Variants in NSL1 observed in about 807,000 individuals in gnomAD.
The protein encoded by NSL1 is NSL1 component of MIS12 kinetochore complex.
In NSL1, 11 loss-of-function variants were observed where a neutral mutation model predicts 25.4. The observed-to-expected ratio is 0.43, with a 90% CI of 0.27 to 0.72. The LOEUF (loss-of-function observed/expected upper bound fraction) is 0.72, where lower values mean the gene tolerates loss of function less well. Among genes scored for constraint, NSL1 ranks in the 30% least tolerant of loss-of-function variants. The pLI is 0.19. For synonymous variants in NSL1, 118 were observed against 120.6 expected (o/e 0.98, Z 0.14); for missense variants, 330 against 342.7 (o/e 0.96, Z 0.29).
intron 4 of NSL1, among the ~76,000 whole-genome samples, chr1:212,756,134 T>C (rs1659295988): frequency 2.0e-5 from 3 of 152,236 alleles, no homozygotes; most frequent in Admixed American, 2.0e-4. Flanking sequence ...TGTTGGGTTT[T>C]TTTGAGACAG....
At chr1:212,784,295 A>C in intron 3 of NSL1, 68 bp downstream of exon 3, 2 of 1,078,324 alleles carry the variant, frequency 1.9e-6, no homozygotes, top group South Asian at 1.6e-5. Flanking sequence ...CTCCACGTAG[A>C]GCCTTATATT....
At chr1:212,778,315 T>C (rs2102393800) in intron 4 of NSL1, among the ~76,000 whole-genome samples, 1 of 152,326 alleles carries the variant, frequency 6.6e-6, no homozygotes, top group East Asian at 1.9e-4. Flanking sequence ...AAGTTCATAA[T>C]GTAACTAAGT....
chr1:212,745,830 T>C (rs562905070), intron 4 of NSL1, among the ~76,000 whole-genome samples: 1 of 152,242 alleles, frequency 6.6e-6, no homozygotes, highest in East Asian at 1.9e-4. Context: ...CTGGGCTTGG[T>C]GGCACATGCC....
intron 4 of NSL1, among the ~76,000 whole-genome samples, chr1:212,744,460 CAAA>C (rs1303550190): frequency 1.3e-5 from 2 of 151,994 alleles, no homozygotes; most frequent in African/African-American, 2.4e-5. Context: ...CAGTTTTCAA[CAAA>C]AAATTATGAG....
intron 4 of NSL1, chr1:212,766,191 C>T (rs1286570433): frequency 7.8e-6 from 5 of 637,582 alleles, no homozygotes; most frequent in East Asian, 2.9e-5. Flanking sequence ...AGACTTACCT[C>T]GAAGTAATAA....
intron 4 of NSL1, among the ~76,000 whole-genome samples, chr1:212,755,888 G>A (rs530845351): frequency 3.9e-5 from 6 of 152,238 alleles, no homozygotes; most frequent in Middle Eastern, 6.8e-3. Context: ...GCAGTCGAAT[G>A]GAGGATGTCT....
chr1:212,763,926 GAACTT>G (rs1215551663), intron 4 of NSL1: 1 of 286,632 alleles, frequency 3.5e-6, no homozygotes, highest in Non-Finnish European at 7.0e-6. Context: ...TAGAACAAAT[GAACTT>G]AACAGGTGTT....
rs1345963649 is a variant in NSL1 at position 212,727,381 on chromosome 1, A to AAT, written c.*11025_*11026dup. 1 of 985,296 alleles carries AAT rather than the reference A, an allele frequency of 1.0e-6. No individual in the cohort carries two copies. Among genetic ancestry groups the AAT allele is most frequent in the East Asian group, 1.1e-4 (1 of 8,834 alleles). The allele number at this position is 985,296 out of a possible 1,614,324, so 61.0% of individuals were successfully genotyped here. On this transcript the variant is annotated 3_prime_UTR_variant, in exon 6 of 6. Transcript: ENST00000366977. ...GGCAGGAAGGTCACTTAACCAGGGA[A>AAT]ATAAGTATCAGTCAAGTTAATGTTT...
chr1:212,752,434 G>T (rs1445978878), intron 4 of NSL1, among the ~76,000 whole-genome samples: 1 of 152,066 alleles, frequency 6.6e-6, no homozygotes, highest in Non-Finnish European at 1.5e-5. Flanking sequence ...CTGCCTGTAG[G>T]GTCAGCAAAA....
intron 4 of NSL1, among the ~76,000 whole-genome samples, chr1:212,762,318 A>G (rs1659613035): frequency 6.6e-6 from 1 of 150,398 alleles, no homozygotes; most frequent in Non-Finnish European, 1.5e-5. Context: ...AAAAAAAAAA[A>G]AAAAAAAAGA....
At chr1:212,744,178 C>G (rs1658640548) in intron 4 of NSL1, among the ~76,000 whole-genome samples, 1 of 152,220 alleles carries the variant, frequency 6.6e-6, no homozygotes, top group Non-Finnish European at 1.5e-5. Flanking sequence ...TGGCTGAGAG[C>G]TGAAGGCATA....
chr1:212,774,124 T>C (rs1464409175), intron 4 of NSL1, among the ~76,000 whole-genome samples: 1 of 151,916 alleles, frequency 6.6e-6, no homozygotes, highest in Non-Finnish European at 1.5e-5. Flanking sequence ...TAAAAAAGAA[T>C]TATTTGGGTA....
At chr1:212,783,265 C>G (rs887569317) in intron 3 of NSL1, among the ~76,000 whole-genome samples, 2 of 151,818 alleles carry the variant, frequency 1.3e-5, no homozygotes, top group African/African-American at 4.8e-5. Flanking sequence ...AGCCATCTTT[C>G]TTTTCTGCAA....
intron 4 of NSL1, among the ~76,000 whole-genome samples, chr1:212,776,632 C>G (rs7511916): frequency 0.025 from 3,730 of 150,976 alleles, 131 homozygotes; most frequent in African/African-American, 0.083. Flanking sequence ...AGTTTCCAAA[C>G]TGAGAAAGAG....
At chr1:212,779,348 C>A (rs113350757) in intron 4 of NSL1, among the ~76,000 whole-genome samples, 3 of 134,518 alleles carry the variant, frequency 2.2e-5, no homozygotes, top group South Asian at 2.4e-4. Context: ...GTCAGCCCCC[C>A]TCCCGGCCAG....
At chr1:212,758,603 G>C (rs1297442065) in intron 4 of NSL1, among the ~76,000 whole-genome samples, 1 of 152,192 alleles carries the variant, frequency 6.6e-6, no homozygotes, top group African/African-American at 2.4e-5. Context: ...CACAAAAGAA[G>C]TGCTAAAAGC....
rs1012824474 is a variant in NSL1, at chr1:212,760,023, T to C, written c.500-20422A>G. On this transcript the variant is annotated intron_variant, in intron 4 of 5. Coordinates refer to ENST00000366977, the MANE Select transcript of NSL1 (RefSeq NM_015471.4). The surrounding 1 kb of genome is among the most constrained non-coding windows in gnomAD (Gnocchi z 4.3). ...CCTGATAATCACCCTGCCCTATCTG[T>C]CATGGTGGGTGTGTGAGCACATCAA... Among the ~76,000 whole-genome samples the C allele has an allele frequency of 4.0e-5, 6 of 151,618 alleles. No homozygotes were observed. The highest frequency in any genetic ancestry group is 7.4e-5 in the Non-Finnish European group (5 of 67,870).
At chr1:212,772,626 G>A (rs1297854676) in intron 4 of NSL1, among the ~76,000 whole-genome samples, 2 of 152,036 alleles carry the variant, frequency 1.3e-5, no homozygotes, top group African/African-American at 2.4e-5. Context: ...GCAGTGAGCT[G>A]AGACTGCACC....
chr1:212,727,992 A>C lies in NSL1; in HGVS notation c.*10416T>G. ...GCCTTTGCTGTGAACCACGGGGAGA[A>C]GGTGGAAGCAGAGTTTGTGGTCAGA... On this transcript the variant is annotated 3_prime_UTR_variant, in exon 6 of 6. Coordinates refer to ENST00000366977, the MANE Select transcript of NSL1 (RefSeq NM_015471.4). 1.0e-6 allele frequency: 1 copy of C among 985,442 alleles called. No individual in the cohort carries two copies. The highest frequency in any genetic ancestry group is 1.2e-6 in the Non-Finnish European group (1 of 829,932). The allele number at this position is 985,442 out of a possible 1,614,324, so 61.0% of individuals were successfully genotyped here.
Sources: gnomAD v4.1 joint callset for allele counts (sites outside exome capture counted in the v4.1 genomes callset) on GRCh38, gnomAD v4.1.1 for gene constraint, Gnocchi (gnomAD v3.1) non-coding constraint, MANE v1.5 for transcripts, NCBI Gene and HGNC (gene_info 2026-07-23, HGNC 2026-07-21) for gene names.